The following TRIOBP variants were observed in gnomAD, a reference collection of about 807,000 sequenced individuals.
TRIOBP encodes the protein TRIO and F-actin-binding protein.
A neutral mutation model predicts 238.8 loss-of-function variants in TRIOBP; 169 were observed. The ratio of observed to expected loss-of-function variants is 0.71; its 90% CI spans 0.62 to 0.80. The LOEUF is 0.80. Ranked by LOEUF, TRIOBP falls within the 30% of genes least tolerant of loss-of-function variation. The pLI is 0.00. For missense variants in TRIOBP, 2,838 were observed against 3,122.6 expected (o/e 0.91, Z 2.17); for synonymous variants, 1,150 against 1,274.4 (o/e 0.90, Z 2.08).
chr22:37,769,321 G>T lies in TRIOBP; in HGVS notation c.6795G>T (p.Gln2265His). 1 of 1,611,844 alleles carries T rather than the reference G, an allele frequency of 6.2e-7. No homozygotes were observed. Among genetic ancestry groups the T allele is most frequent in the Non-Finnish European group, 8.5e-7 (1 of 1,179,502 alleles). ...AGCTGCGCGGCTTCATTGCCTCGCA[G>T]GGCATGGGCAATGGCTGCGGGCGCA... is the stretch of plus-strand genomic sequence containing the variant. ...IDQLRGFIAS[Q>H]GMGNGCGRSN... Residue 2265 changes from glutamine to histidine, a missense_variant, in exon 21 of 24, where the codon CAG becomes CAT. Coordinates refer to ENST00000644935, the MANE Select transcript of TRIOBP (RefSeq NM_001039141.3).
At chr22:37,749,216 A>C (rs1275194083) in intron 11 of TRIOBP, among the ~76,000 whole-genome samples, 1 of 152,114 alleles carries the variant, frequency 6.6e-6, no homozygotes, top group East Asian at 1.9e-4. Flanking sequence ...TTTGCTGGAC[A>C]TGGTGGTGGG....
In TRIOBP at chr22:37,755,193, GAGGCTGTGTGC is replaced by G. The variant is rs1371436361; in HGVS notation, c.5577+6_5577+16del. ...GCAACTATGGCTTCCAGATCCACGT[GAGGCTGTGTGC>G]AGCTTGGGGGCTGGTGGTGGGCAGC... On this transcript the variant is annotated splice_donor_5th_base_variant and intron_variant, in intron 14 of 23. Transcript: ENST00000644935. The G allele has an allele frequency of 6.2e-7, 1 of 1,610,176 alleles. No homozygotes were observed. Among genetic ancestry groups the G allele is most frequent in the Admixed American group, 1.7e-5 (1 of 59,598 alleles).
chr22:37,735,265 C>T lies in TRIOBP; in HGVS notation c.4929C>T (p.Ser1643=). 6.2e-7 allele frequency: 1 copy of T among 1,608,998 alleles called. No individual in the cohort carries two copies. The highest frequency in any genetic ancestry group is 8.5e-7 in the Non-Finnish European group (1 of 1,176,366). ...WAEATPVNGH[S]PALQSQSPVQ... ...AGGCCACCCCAGTCAATGGACACAG[C>T]CCCGCACTGCAGTCCCAGAGCCCGG... Residue 1643 remains serine, a synonymous_variant, in exon 9 of 24, where the codon AGC becomes AGT. Coordinates refer to ENST00000644935, the MANE Select transcript of TRIOBP (RefSeq NM_001039141.3).
At position 37,723,354 on chromosome 22, in the gene TRIOBP, T is replaced by C; in HGVS notation, c.798T>C (p.Thr266=). ...AGGCTTCTCCTGCCCAAAGGGACAC[T>C]GCTCAGGCTGCCTCTACACGTGAAA... ...TSQASPAQRD[T]AQAASTREIP... Residue 266 remains threonine (T), a synonymous_variant, in exon 7 of 24, where the codon ACT becomes ACC. Coordinates refer to ENST00000644935, the MANE Select transcript of TRIOBP (RefSeq NM_001039141.3). 6.2e-7 allele frequency: 1 copy of C among 1,614,042 alleles called. No individual in the cohort carries two copies.
chr22:37,752,964 C>T (rs1209680066), intron 12 of TRIOBP, among the ~76,000 whole-genome samples: 1 of 152,216 alleles, frequency 6.6e-6, no homozygotes, highest in Non-Finnish European at 1.5e-5. Flanking sequence ...CTCAGCGCAC[C>T]TGAGGCCCAT....
intron 11 of TRIOBP, among the ~76,000 whole-genome samples, chr22:37,750,390 A>G (rs561471333): frequency 1.3e-5 from 2 of 152,296 alleles, no homozygotes; most frequent in South Asian, 2.1e-4. Context: ...GGGGGTAGAT[A>G]TTTCCTCAGC....
rs191647106 is a variant in TRIOBP, at chr22:37,773,123, G to A, written c.*2+359G>A. ...CACACACACATCGCACGCTGAGGCC[G>A]GGCTTCTATCCCAGTTAGTCTTAAC... On this transcript the variant is annotated intron_variant, in intron 23 of 23. Coordinates refer to ENST00000644935, the MANE Select transcript of TRIOBP (RefSeq NM_001039141.3). Among the ~76,000 whole-genome samples, 53 of 152,234 alleles carry A rather than the reference G, an allele frequency of 3.5e-4. No homozygotes were observed. The East Asian group carries it at 8.3e-3, about 24-fold the overall frequency.
At position 37,724,594 on chromosome 22, in the gene TRIOBP, G is replaced by A; in HGVS notation, c.2038G>A (p.Asp680Asn). 3.7e-6 allele frequency: 6 copies of A among 1,609,218 alleles called. No individual in the cohort carries two copies. The highest frequency in any genetic ancestry group is 4.2e-6 in the Non-Finnish European group (5 of 1,179,084). The change falls in exon 7 of 24, where the codon GAC becomes AAC. Residue 680 changes from aspartate to asparagine, a missense_variant. By Grantham distance (23) the Asp-to-Asn change is conservative. Coordinates refer to ENST00000644935, the MANE Select transcript of TRIOBP (RefSeq NM_001039141.3). ...ENPRTSCALR[D>N]NPRASSPSRT... ...CCCCAGAACATCCTGTGCCCTACGG[G>A]ACAATCCCAGAGCCTCCTCTCCCAG...
chr22:37,750,718 G>C (rs1172758742), intron 11 of TRIOBP: 1 of 471,122 alleles, frequency 2.1e-6, no homozygotes, highest in East Asian at 6.9e-5. Context: ...ATCTTCAGCT[G>C]TCCCAAGCCC....
chr22:37,713,132 G>A (rs922197293), intron 4 of TRIOBP, 78 bp from the exon 5 acceptor site: 27 of 1,334,762 alleles, frequency 2.0e-5, no homozygotes, highest in Non-Finnish European at 2.7e-5. Flanking sequence ...CTCCCTGTGT[G>A]AGTGAGTGCA....
Position 37,726,314 on chromosome 22 carries a change from G to A in TRIOBP, c.3758G>A (p.Arg1253Gln), listed in dbSNP as rs762686043. Reference protein sequence around the residue: ...SPSPGSSGGSRGSAPPGETRH... With the variant: ...SPSPGSSGGSQGSAPPGETRH... Reference sequence around the variant, plus strand: ...TCACCGGGCAGCTCTGGGGGCTCCCGGGGCTCAGCGCCTCCCGGGGAGACC... The same window carrying A: ...TCACCGGGCAGCTCTGGGGGCTCCCAGGGCTCAGCGCCTCCCGGGGAGACC... The change falls in exon 7 of 24, where the codon CGG (arginine) becomes CAG (glutamine). Residue 1253 changes from arginine (R) to glutamine (Q), a missense_variant. By Grantham distance (43) the Arg-to-Gln change is conservative (BLOSUM62 1). This residue lies in a region of TRIOBP where 2,096 missense variants were observed against 2,137.4 expected (regional missense o/e 0.98). Transcript: ENST00000644935. 18 of 1,612,342 alleles carry A rather than the reference G, an allele frequency of 1.1e-5. No individual in the cohort carries two copies. Among genetic ancestry groups the A allele is most frequent in the African/African-American group, 5.3e-5 (4 of 74,872 alleles).
Position 37,725,695 on chromosome 22 carries a change from C to T in TRIOBP, c.3139C>T (p.Pro1047Ser). The T allele has an allele frequency of 6.2e-7, 1 of 1,613,226 alleles. No individual in the cohort carries two copies. Among genetic ancestry groups the T allele is most frequent in the Non-Finnish European group, 8.5e-7 (1 of 1,179,836 alleles). The change falls in exon 7 of 24, where the codon CCT becomes TCT. Residue 1047 changes from proline to serine, a missense_variant. Transcript: ENST00000644935. ...PFPFFPEPRAPESEPPHHEPP... is the reference protein window; with the variant it reads ...PFPFFPEPRASESEPPHHEPP... ...CCCCTTCTTCCCAGAGCCCCGCGCC[C>T]CTGAGAGTGAACCGCCCCACCACGA...
At chr22:37,767,312 AAAAG>A (rs1926553266) in intron 18 of TRIOBP, among the ~76,000 whole-genome samples, 1 of 150,370 alleles carries the variant, frequency 6.7e-6, no homozygotes, top group Non-Finnish European at 1.5e-5. Flanking sequence ...CTCAAAAAAA[AAAAG>A]AAAGAAAAAA....
At chr22:37,735,891 G>A (rs1388192571) in intron 9 of TRIOBP, among the ~76,000 whole-genome samples, 1 of 152,200 alleles carries the variant, frequency 6.6e-6, no homozygotes, top group Non-Finnish European at 1.5e-5. Flanking sequence ...GTTGTGTCTG[G>A]TGGCACACAC....
intron 17 of TRIOBP, 78 bp from the exon 18 acceptor site, chr22:37,765,591 CT>C: frequency 6.5e-7 from 1 of 1,540,492 alleles, no homozygotes. Flanking sequence ...GCCCCTGAGC[CT>C]TCTCCTCTGG....
Position 37,720,333 on chromosome 22 carries a change from T to C in TRIOBP, c.629-2852T>C, listed in dbSNP as rs5995491. The stretch of plus-strand genomic sequence containing the variant: ...TGCCCGGCCCACTGCTACAATACTA[T>C]TAACTAAGCTACAGACGTGATGGGA... On this transcript the variant is annotated intron_variant, in intron 6 of 23. Transcript: ENST00000644935. 3.6e-3 allele frequency among the ~76,000 whole-genome samples: 550 copies of C among 152,186 alleles called. 3 individuals are homozygous for C. Among genetic ancestry groups the C allele is most frequent in the Middle Eastern group, 0.017 (5 of 294 alleles).
In TRIOBP at chr22:37,723,611, A is replaced by G. The variant is rs1406205191; in HGVS notation, c.1055A>G (p.Asp352Gly). Residue 352 changes from aspartate (D) to glycine (G), a missense_variant, in exon 7 of 24, where the codon GAT (aspartate) becomes GGT (glycine). By Grantham distance (94) the Asp-to-Gly change is moderately conservative. Transcript: ENST00000644935. Reference sequence around the variant, plus strand: ...TCTCCCTCACGAAGCACCCAACTGGATAACCCCAGAACCTCTTCTACCCAG... The same window carrying G: ...TCTCCCTCACGAAGCACCCAACTGGGTAACCCCAGAACCTCTTCTACCCAG... ...ASSPSRSTQL[D>G]NPRTSSTQQD... 6.2e-7 allele frequency: 1 copy of G among 1,614,114 alleles called. No homozygotes were observed. The highest frequency in any genetic ancestry group is 1.3e-5 in the African/African-American group (1 of 75,010).
rs372093416 is a variant in TRIOBP, at chr22:37,735,357, C to G, written c.5021C>G (p.Ala1674Gly). ...WPKIKVTRGP[A>G]TATLAGLEQT... ...AAGATCAAAGTGACAAGAGGACCAG[C>G]GACCGCAACTCTGGCAGGCCTGGAG... Residue 1674 changes from alanine to glycine, a missense_variant, in exon 9 of 24, where the codon GCG (alanine) becomes GGG (glycine). Transcript: ENST00000644935. 2.5e-6 allele frequency: 4 copies of G among 1,612,684 alleles called. No homozygotes were observed. The highest frequency in any genetic ancestry group is 8.5e-7 in the Non-Finnish European group (1 of 1,179,620).
chr22:37,756,550 A>C (rs1925930666), intron 15 of TRIOBP, among the ~76,000 whole-genome samples: 1 of 152,190 alleles, frequency 6.6e-6, no homozygotes, highest in South Asian at 2.1e-4. Context: ...GTTATTTAGC[A>C]TCTAGGCCCA....
Sources: gnomAD v4.1 joint callset for allele counts (sites outside exome capture counted in the v4.1 genomes callset) on GRCh38, gnomAD v4.1.1 for gene constraint, gnomAD v4.1.1 regional missense constraint, MANE v1.5 for transcripts, NCBI Gene and HGNC (gene_info 2026-07-23, HGNC 2026-07-21) for gene names.